The following RALGPS1 variants were observed in gnomAD, a reference collection of about 807,000 sequenced individuals.
The protein encoded by RALGPS1 is Ral GEF with PH domain and SH3 binding motif 1, also known as ras-specific guanine nucleotide-releasing factor RalGPS1.
RALGPS1 carries 19 observed loss-of-function variants against 78.8 expected under a neutral mutation model. The observed-to-expected ratio is 0.24, with a 90% CI of 0.17 to 0.35. The LOEUF is 0.35. Ranked by LOEUF, RALGPS1 falls within the 10% of genes least tolerant of loss-of-function variation. The pLI is 1.00. For missense variants in RALGPS1, 454 were observed against 688.3 expected (o/e 0.66, Z 3.81); for synonymous variants, 228 against 256.3 (o/e 0.89, Z 1.06).
chr9:127,212,318 A>G lies in RALGPS1; in HGVS notation c.1353+82A>G. 1 of 1,063,774 alleles carries G rather than the reference A, an allele frequency of 9.4e-7. No individual in the cohort carries two copies. The highest frequency in any genetic ancestry group is 1.4e-6 in the Non-Finnish European group (1 of 734,430). The allele number at this position is 1,063,774 out of a possible 1,614,324, so 65.9% of individuals were successfully genotyped here. On this transcript the variant is annotated intron_variant, in intron 15 of 18. Coordinates refer to ENST00000259351, the MANE Select transcript of RALGPS1 (RefSeq NM_014636.3). This position sits in a 1 kb window ranked among gnomAD's most constrained non-coding sequence, Gnocchi z 6.0. ...GCCCACTCCTAGAGGTCTCAGCAAA[A>G]GTCACATGCATGGCAGAGGCTCTGC...
At chr9:127,036,741 C>T (rs1482433140) in intron 5 of RALGPS1, among the ~76,000 whole-genome samples, 1 of 152,132 alleles carries the variant, frequency 6.6e-6, no homozygotes, top group Non-Finnish European at 1.5e-5. Context: ...TATGAGCCAG[C>T]CTATGTTACA....
At chr9:127,019,930 T>C (rs1363814589) in intron 4 of RALGPS1, among the ~76,000 whole-genome samples, 5 of 152,220 alleles carry the variant, frequency 3.3e-5, no homozygotes, top group Admixed American at 6.5e-5. Flanking sequence ...TTTCTCTTTT[T>C]TAAAATCTCA....
At chr9:127,204,122 A>G (rs1350931204) in intron 14 of RALGPS1, among the ~76,000 whole-genome samples, 1 of 152,066 alleles carries the variant, frequency 6.6e-6, no homozygotes, top group Non-Finnish European at 1.5e-5. Flanking sequence ...CACAGTGAAG[A>G]TCTAACACAT....
chr9:127,063,524 T>C (rs1337023832), intron 7 of RALGPS1, among the ~76,000 whole-genome samples: 1 of 152,248 alleles, frequency 6.6e-6, no homozygotes, highest in Non-Finnish European at 1.5e-5. Context: ...ATTTTATTGA[T>C]ATTTTATAAA....
chr9:127,177,940 C>G (rs1048684286), intron 11 of RALGPS1: 18 of 1,548,758 alleles, frequency 1.2e-5, no homozygotes, highest in Non-Finnish European at 1.6e-5. Flanking sequence ...CCTCCAGCAT[C>G]AGAGCCCTGG....
chr9:127,108,064 CG>C, intron 8 of RALGPS1: 1 of 924,518 alleles, frequency 1.1e-6, no homozygotes, highest in Non-Finnish European at 1.6e-6. Flanking sequence ...TTGGTAGACC[CG>C]GGGCGGGGCA....
At chr9:127,132,862 A>T (rs546197141) in intron 8 of RALGPS1, among the ~76,000 whole-genome samples, 3 of 152,312 alleles carry the variant, frequency 2.0e-5, no homozygotes, top group African/African-American at 7.2e-5. Context: ...CATCATCAAC[A>T]TCTTCATCCT....
intron 8 of RALGPS1, among the ~76,000 whole-genome samples, chr9:127,165,101 T>C (rs1040427099): frequency 6.6e-6 from 1 of 152,260 alleles, no homozygotes; most frequent in Non-Finnish European, 1.5e-5. Context: ...ACCTGGACTT[T>C]TGTTTTTTAG....
chr9:127,048,491 T>C (rs905557058), intron 5 of RALGPS1, among the ~76,000 whole-genome samples: 4 of 152,186 alleles, frequency 2.6e-5, no homozygotes, highest in African/African-American at 9.7e-5. Context: ...TTCAGGAAGG[T>C]CTGGGCTCCC....
At chr9:127,157,692 G>C (rs1208652332) in intron 8 of RALGPS1, among the ~76,000 whole-genome samples, 1 of 151,808 alleles carries the variant, frequency 6.6e-6, no homozygotes, top group Non-Finnish European at 1.5e-5. Context: ...TATTTATTTT[G>C]AAGTTAACTT....
At chr9:127,115,282 C>T (rs1426804541) in intron 8 of RALGPS1, among the ~76,000 whole-genome samples, 6 of 152,128 alleles carry the variant, frequency 3.9e-5, no homozygotes, top group East Asian at 1.9e-4. Context: ...CTCTGCCTCC[C>T]GCTTTCAAGC....
chr9:126,983,523 A>C (rs1296668131), intron 4 of RALGPS1, among the ~76,000 whole-genome samples: 2 of 152,214 alleles, frequency 1.3e-5, no homozygotes, highest in African/African-American at 4.8e-5. Context: ...CACACTTAAC[A>C]AAATTAGCAA....
intron 4 of RALGPS1, among the ~76,000 whole-genome samples, chr9:126,995,376 C>T (rs1395522015): frequency 4.6e-5 from 7 of 152,112 alleles, no homozygotes; most frequent in Admixed American, 4.6e-4. Flanking sequence ...GCAAGGGTTG[C>T]AATCCTAGTC....
At chr9:127,101,668 G>T (rs2053742390) in intron 8 of RALGPS1, among the ~76,000 whole-genome samples, 1 of 152,224 alleles carries the variant, frequency 6.6e-6, no homozygotes, top group African/African-American at 2.4e-5. Context: ...AACCTGCTTT[G>T]TGGGAAAGCC....
At chr9:127,138,680 A>C (rs932616111) in intron 8 of RALGPS1, among the ~76,000 whole-genome samples, 1 of 152,178 alleles carries the variant, frequency 6.6e-6, no homozygotes, top group South Asian at 2.1e-4. Context: ...GTCTAGGTCC[A>C]CATCTCCACA....
At chr9:127,194,219 T>G (rs2061232542) in intron 11 of RALGPS1, among the ~76,000 whole-genome samples, 1 of 152,228 alleles carries the variant, frequency 6.6e-6, no homozygotes, top group Admixed American at 6.5e-5. Flanking sequence ...TATTCCCACT[T>G]TTCAGATGAG....
In RALGPS1 at chr9:126,951,330, C is replaced by T. The variant is rs2037795630; in HGVS notation, c.-65-10895C>T. On this transcript the variant is annotated intron_variant, in intron 1 of 18. Transcript: ENST00000259351. ...CTAACTCATTTTATGAGGCCAGCGTCATCCTGATACCAAAGCCGGGCAGAG... is the reference window on the plus strand; with the variant it reads ...CTAACTCATTTTATGAGGCCAGCGTTATCCTGATACCAAAGCCGGGCAGAG... 2.7e-5 allele frequency among the ~76,000 whole-genome samples: 4 copies of T among 147,266 alleles called. No homozygotes were observed. The South Asian group carries it at 9.7e-4, about 36-fold the overall frequency.
chr9:127,192,312 C>T lies in RALGPS1; in HGVS notation c.911-2779C>T, dbSNP rs916357949. Among the ~76,000 whole-genome samples the T allele has an allele frequency of 7.9e-5, 12 of 152,204 alleles. 1 individual carries two copies. Among genetic ancestry groups the T allele is most frequent in the South Asian group, 2.1e-4 (1 of 4,826 alleles). ...AGGCAAGTTGCCGTGTGGCAGGAGC[C>T]GAGGGTGGGCTCCCATTCCAGGCCA... On this transcript the variant is annotated intron_variant, in intron 11 of 18. Coordinates refer to ENST00000259351, the MANE Select transcript of RALGPS1 (RefSeq NM_014636.3).
chr9:127,066,286 A>G (rs944183215), intron 7 of RALGPS1, among the ~76,000 whole-genome samples: 9 of 152,222 alleles, frequency 5.9e-5, no homozygotes, highest in African/African-American at 2.2e-4. Flanking sequence ...AAGGGGTTCT[A>G]GGTTGTATTA....
Sources: gnomAD v4.1 joint callset for allele counts (sites outside exome capture counted in the v4.1 genomes callset) on GRCh38, gnomAD v4.1.1 for gene constraint, Gnocchi (gnomAD v3.1) non-coding constraint, MANE v1.5 for transcripts, NCBI Gene and HGNC (gene_info 2026-07-23, HGNC 2026-07-21) for gene names.